The following CUL2 variants were observed in gnomAD, a reference collection of about 807,000 sequenced individuals.
The protein encoded by CUL2 is cullin 2.
CUL2 carries 22 observed loss-of-function variants against 110.2 expected under a neutral mutation model. The ratio of observed to expected loss-of-function variants is 0.20; its 90% confidence interval spans 0.14 to 0.28. CUL2 has a LOEUF of 0.28. CUL2 is among the 10% of genes least tolerant of loss of function. The pLI is 1.00. For synonymous variants in CUL2, 279 were observed against 293.2 expected (o/e 0.95, Z 0.49); for missense variants, 631 against 905.5 (o/e 0.70, Z 3.89).
Position 35,062,964 on chromosome 10 carries a change from T to C in CUL2, c.218A>G (p.His73Arg), listed in dbSNP as rs979747831. The C allele has an allele frequency of 9.0e-6, 14 of 1,558,994 alleles. No individual in the cohort carries two copies. The highest frequency in any genetic ancestry group is 1.1e-5 in the South Asian group (1 of 89,590). ...CACGTATGTATCATTGCTTACCTTA[T>C]GCAAATGCCGAACATGATTTTCCAA... ...IFLENHVRHLHKRVLESEEQV... is the reference protein window; with the variant it reads ...IFLENHVRHLRKRVLESEEQV... The change falls in exon 3 of 21, where the codon CAT becomes CGT. Residue 73 changes from histidine (H) to arginine (R), a missense_variant. Physicochemically the swap from His to Arg is conservative, Grantham distance 29. Around this residue, in one of 3 missense-constraint regions of CUL2, gnomAD observed 338 missense variants for 442.5 expected, o/e 0.76. Transcript: ENST00000374749.
At chr10:35,063,102 AT>A (rs2086425013) in intron 2 of CUL2, 40 bp from the exon 3 acceptor site, 1 of 1,113,856 alleles carries the variant, frequency 9.0e-7, no homozygotes, top group Admixed American at 2.1e-5. Flanking sequence ...ATTGGAGACA[AT>A]TTTAAAACAT....
chr10:35,044,051 CAAAAAAAAAAAAAA>C (rs534515519), intron 8 of CUL2, among the ~76,000 whole-genome samples: 5 of 87,796 alleles, frequency 5.7e-5, no homozygotes, highest in Non-Finnish European at 8.8e-5. Flanking sequence ...ACCACATCTC[CAAAAAAAAAAAAAA>C]AAAAAAAAAA....
At chr10:35,061,461 CAAAAA>C (rs11347736) in intron 3 of CUL2, among the ~76,000 whole-genome samples, 1 of 97,340 alleles carries the variant, frequency 1.0e-5, no homozygotes. Context: ...CTCTGTCTCC[CAAAAA>C]AAAAAAAAAA....
chr10:35,121,034 T>C (rs1194592082), intron 1 of CUL2, among the ~76,000 whole-genome samples: 3 of 152,220 alleles, frequency 2.0e-5, no homozygotes, highest in African/African-American at 7.2e-5. Flanking sequence ...TTTTCCATGA[T>C]TTATTTAATA....
intron 8 of CUL2, among the ~76,000 whole-genome samples, chr10:35,041,110 A>G (rs2085775612): frequency 1.3e-5 from 2 of 152,254 alleles, no homozygotes; most frequent in African/African-American, 4.8e-5. Context: ...ACATCAGCTA[A>G]GAAAGGCACT....
intron 2 of CUL2, among the ~76,000 whole-genome samples, chr10:35,066,242 CA>C (rs1282377058): frequency 6.7e-6 from 1 of 149,016 alleles, no homozygotes; most frequent in African/African-American, 2.5e-5. Context: ...GTAAGACAAC[CA>C]AAAAAGGATT....
At position 35,029,577 on chromosome 10, in the gene CUL2, C is replaced by T. The variant is rs753352576; in HGVS notation, c.1450G>A (p.Ala484Thr). The T allele has an allele frequency of 1.8e-5, 28 of 1,596,812 alleles. No homozygotes were observed. The highest frequency in any genetic ancestry group is 5.4e-5 in the Admixed American group (3 of 55,446). The change falls in exon 15 of 21, where the codon GCT (alanine) becomes ACT (threonine). Residue 484 changes from alanine (A) to threonine (T), a missense_variant. Around this residue, in one of 3 missense-constraint regions of CUL2, gnomAD observed 134 missense variants for 260.4 expected, o/e 0.51. Transcript: ENST00000374749. The part of the protein sequence containing the change: ...HRMYTDMSVS[A>T]DLNNKFNNFI... ...TTGTTGAACTTATTGTTGAGATCAG[C>T]GCTGACACTCATATCTGTATACATC...
intron 1 of CUL2, among the ~76,000 whole-genome samples, chr10:35,078,467 G>C (rs1197812078): frequency 6.6e-6 from 1 of 151,448 alleles, no homozygotes; most frequent in Non-Finnish European, 1.5e-5. Context: ...GTGTAATTTT[G>C]TATTTTTTTT....
At chr10:35,021,114 G>A (rs2085169621) in intron 17 of CUL2, among the ~76,000 whole-genome samples, 1 of 151,740 alleles carries the variant, frequency 6.6e-6, no homozygotes, top group East Asian at 1.9e-4. Flanking sequence ...ATGGACCTTA[G>A]GGGTTAGAGC....
At chr10:35,085,432 A>G (rs2135058425) in intron 1 of CUL2, among the ~76,000 whole-genome samples, 1 of 148,604 alleles carries the variant, frequency 6.7e-6, no homozygotes, top group African/African-American at 2.6e-5. Context: ...ACCGTCCCAA[A>G]AAAAAATAAA....
Position 35,010,025 on chromosome 10 carries a change from G to T in CUL2, c.*286C>A. ...AAAAAAAGACACATCAACTGCAAAC[G>T]TGAAGGGGAGAAAAAGCATGGTACC... is the stretch of plus-strand genomic sequence containing the variant. On this transcript the variant is annotated 3_prime_UTR_variant, in exon 21 of 21. Coordinates refer to ENST00000374749, the MANE Select transcript of CUL2 (RefSeq NM_003591.4). 1 of 166,346 alleles carries T rather than the reference G, an allele frequency of 6.0e-6. No homozygotes were observed. Among genetic ancestry groups the T allele is most frequent in the Non-Finnish European group, 1.3e-5 (1 of 79,612 alleles). The allele number at this position is 166,346 out of a possible 1,614,324, so 10.3% of individuals were successfully genotyped here. A position where few individuals can be genotyped will look rare whatever the true frequency, so the allele number is the denominator to read the frequency against.
In CUL2 at chr10:35,113,112, G is replaced by A. The variant is rs148704047; in HGVS notation, c.-50-12052C>T. On this transcript the variant is annotated intron_variant, in intron 1 of 5. Coordinates refer to the CUL2 transcript ENST00000685421. Reference sequence around the variant, plus strand: ...GCAGGAGAATGGCTTGAATCCGGGAGGTGGAGATAGCAGTGAGCTGAGACC... The same window carrying A: ...GCAGGAGAATGGCTTGAATCCGGGAAGTGGAGATAGCAGTGAGCTGAGACC... Among the ~76,000 whole-genome samples, 1,098 of 149,234 alleles carry A rather than the reference G, an allele frequency of 7.4e-3. 5 individuals carry two copies. The highest frequency in any genetic ancestry group is 0.012 in the Non-Finnish European group (826 of 67,542).
At chr10:35,065,974 T>C (rs570093317) in intron 2 of CUL2, among the ~76,000 whole-genome samples, 1 of 152,336 alleles carries the variant, frequency 6.6e-6, no homozygotes, top group Admixed American at 6.5e-5. Flanking sequence ...ACTCCTCTAT[T>C]TATGAACTTT....
At chr10:35,041,235 G>GAATT (rs1458958669) in intron 8 of CUL2, among the ~76,000 whole-genome samples, 2 of 152,192 alleles carry the variant, frequency 1.3e-5, no homozygotes, top group African/African-American at 2.4e-5. Context: ...AATGCAACAG[G>GAATT]AATTACAGTG....
chr10:35,018,432 CTGAT>C (rs1474843309), intron 17 of CUL2, among the ~76,000 whole-genome samples: 1 of 151,498 alleles, frequency 6.6e-6, no homozygotes, highest in African/African-American at 2.4e-5. Flanking sequence ...ATTAGTAACT[CTGAT>C]TAAGGTTTTC....
intron 16 of CUL2, among the ~76,000 whole-genome samples, chr10:35,028,510 G>C (rs1332667863): frequency 6.6e-6 from 1 of 152,156 alleles, no homozygotes; most frequent in Non-Finnish European, 1.5e-5. Flanking sequence ...TGAATTCTAA[G>C]CTTTCTTCTG....
chr10:35,104,743 G>C (rs533325517), intron 1 of CUL2, among the ~76,000 whole-genome samples: 2 of 148,842 alleles, frequency 1.3e-5, no homozygotes, highest in East Asian at 2.0e-4. Context: ...AGACTTTTCT[G>C]GGGGGGGGAC....
At chr10:35,062,323 T>C (rs771159680) in intron 3 of CUL2, among the ~76,000 whole-genome samples, 1 of 151,948 alleles carries the variant, frequency 6.6e-6, no homozygotes, top group Non-Finnish European at 1.5e-5. Flanking sequence ...ATATAGCACA[T>C]GAAAGGCAGC....
At chr10:35,035,407 A>G in intron 9 of CUL2, 111 bp from the exon 10 acceptor site, 1 of 1,217,618 alleles carries the variant, frequency 8.2e-7, no homozygotes, top group Non-Finnish European at 1.1e-6. Flanking sequence ...CAGAGCACCC[A>G]GAGAAAAGTC....
Sources: gnomAD v4.1 joint callset for allele counts (sites outside exome capture counted in the v4.1 genomes callset) on GRCh38, gnomAD v4.1.1 for gene constraint, gnomAD v4.1.1 regional missense constraint, MANE v1.5 for transcripts, NCBI Gene and HGNC (gene_info 2026-07-23, HGNC 2026-07-21) for gene names.